The following NSMF variants were observed in gnomAD, a reference collection of about 807,000 sequenced individuals.
NSMF encodes NMDA receptor synaptonuclear signaling and neuronal migration factor.
A neutral mutation model predicts 71.0 loss-of-function variants in NSMF; 31 were observed. The observed-to-expected ratio is 0.44, with a 90% CI of 0.33 to 0.59. The LOEUF (loss-of-function observed/expected upper bound fraction) is 0.59. Ranked by LOEUF, NSMF falls within the 20% of genes least tolerant of loss-of-function variation. The pLI is 0.04. For missense variants in NSMF, 673 were observed against 740.5 expected (o/e 0.91, Z 1.06); for synonymous variants, 345 against 287.1 (o/e 1.20, Z -2.04).
chr9:137,454,472 GGCC>G (rs1830730552), intron 6 of NSMF, 29 bp from the exon 7 acceptor site: 3 of 1,550,026 alleles, frequency 1.9e-6, no homozygotes, highest in Non-Finnish European at 2.6e-6. Context: ...GGCTGAAGAG[GGCC>G]GTGAGAGGGT....
chr9:137,450,005 C>A lies in NSMF; in HGVS notation c.1337G>T (p.Arg446Leu). The A allele has an allele frequency of 6.2e-7, 1 of 1,612,986 alleles. No individual in the cohort carries two copies. The highest frequency in any genetic ancestry group is 8.5e-7 in the Non-Finnish European group (1 of 1,179,864). The change falls in exon 14 of 16, where the codon CGC (arginine) becomes CTC (leucine). Residue 446 changes from arginine to leucine, a missense_variant. Physicochemically the swap from Arg to Leu is moderately radical, Grantham distance 102 (BLOSUM62 -2). Around this residue, in one of 2 missense-constraint regions of NSMF, gnomAD observed 202 missense variants for 280.8 expected, o/e 0.72. Coordinates refer to ENST00000371475, the MANE Select transcript of NSMF (RefSeq NM_001130969.3). Reference sequence around the variant, plus strand: ...CTCTGGGTTCACTTTGCTCATCAGGCGGCTCAGCCGCTTCCAGAAGCTGGT... The same window carrying A: ...CTCTGGGTTCACTTTGCTCATCAGGAGGCTCAGCCGCTTCCAGAAGCTGGT... The part of the protein sequence containing the change: ...DMIHFWKRLS[R>L]LMSKVNPEPN...
rs544848562 is a variant in NSMF, at chr9:137,456,393, C to T, written c.704+18G>A. 24 of 1,602,830 alleles carry T rather than the reference C, an allele frequency of 1.5e-5. No homozygotes were observed. Among genetic ancestry groups the T allele is most frequent in the Non-Finnish European group, 1.7e-5 (20 of 1,170,636 alleles). ...AGACCACCCAACCCTGACCCCAAGT[C>T]GTGGGCACAAGACTCACGCTTGCAT... On this transcript the variant is annotated intron_variant, in intron 4 of 15. Transcript: ENST00000371475.
chr9:137,457,739 G>A lies in NSMF; in HGVS notation c.296C>T (p.Pro99Leu). The change falls in exon 3 of 16, where the codon CCT becomes CTT. Residue 99 changes from proline to leucine, a missense_variant. Physicochemically the swap from Pro to Leu is moderately conservative, Grantham distance 98 (BLOSUM62 -3). Transcript: ENST00000371475. ...IRKPAGEGPQ[P>L]RVYTISGEPA... ...CTCCCCAGAGATGGTGTACACTCGA[G>A]GCTGAGGGCCCTCGCCTGCGGGCTT... The A allele has an allele frequency of 6.4e-7, 1 of 1,557,918 alleles. No homozygotes were observed. Among genetic ancestry groups the A allele is most frequent in the Non-Finnish European group, 8.7e-7 (1 of 1,150,998 alleles).
intron 4 of NSMF, among the ~76,000 whole-genome samples, chr9:137,456,208 G>GC (rs59030620): frequency 8.1e-6 from 1 of 123,676 alleles, no homozygotes; most frequent in African/African-American, 4.2e-5. Context: ...GTGTGTGTGT[G>GC]GGGGGGGGGG....
Position 137,455,723 on chromosome 9 carries a change from C to T in NSMF, c.705-89G>A, listed in dbSNP as rs954501719. On this transcript the variant is annotated intron_variant, in intron 4 of 15. Coordinates refer to ENST00000371475, the MANE Select transcript of NSMF (RefSeq NM_001130969.3). Reference sequence around the variant, plus strand: ...CCCCTCAGCCCCCACCCGGTCCCTACAGTTCCCTTCTTGTCACTGACCCAA... The same window carrying T: ...CCCCTCAGCCCCCACCCGGTCCCTATAGTTCCCTTCTTGTCACTGACCCAA... 2.8e-5 allele frequency: 40 copies of T among 1,420,114 alleles called. 1 individual carries two copies. In the African/African-American group the frequency reaches 5.4e-4, roughly 19 times the overall value. The allele number at this position is 1,420,114 out of a possible 1,614,324, so 88.0% of individuals were successfully genotyped here.
rs997174984 is a variant in NSMF at position 137,448,508 on chromosome 9, C to G, written c.*886G>C. The G allele has an allele frequency of 2.6e-5, 4 of 152,172 alleles. No individual in the cohort carries two copies. The highest frequency in any genetic ancestry group is 7.2e-5 in the African/African-American group (3 of 41,412). The allele number at this position is 152,172 out of a possible 1,614,324, so 9.4% of individuals were successfully genotyped here. Reference sequence around the variant, plus strand: ...CCCACTGTGGTGCCAGCGAGTTTCTCAAAACCCAGGGCCCAGCCCCAGCTG... The same window carrying G: ...CCCACTGTGGTGCCAGCGAGTTTCTGAAAACCCAGGGCCCAGCCCCAGCTG... On this transcript the variant is annotated 3_prime_UTR_variant, in exon 16 of 16. Coordinates refer to ENST00000371475, the MANE Select transcript of NSMF (RefSeq NM_001130969.3). This position sits in a 1 kb window ranked among gnomAD's most constrained non-coding sequence, Gnocchi z 5.3.
At chr9:137,458,964 C>A (rs757939938) in intron 1 of NSMF, 68 bp downstream of exon 1, 4 of 1,177,506 alleles carry the variant, frequency 3.4e-6, no homozygotes, top group East Asian at 3.2e-5. Context: ...CACCGCGGGG[C>A]AGGGGCGGAC....
chr9:137,457,989 T>G, intron 2 of NSMF, 88 bp from the exon 3 acceptor site: 1 of 1,523,078 alleles, frequency 6.6e-7, no homozygotes, highest in Non-Finnish European at 8.8e-7. Context: ...GAACACCCAG[T>G]GGGCACCTGG....
rs1268182641 is a variant in NSMF, at chr9:137,457,445, T to C, written c.590A>G (p.Lys197Arg). The C allele has an allele frequency of 6.2e-7, 1 of 1,612,774 alleles. No homozygotes were observed. The highest frequency in any genetic ancestry group is 8.5e-7 in the Non-Finnish European group (1 of 1,180,000). ...PPLPETSGRR[K>R]KLERMYSVDR... The stretch of plus-strand genomic sequence containing the variant: ...AACGCTGTACATCCTCTCCAGCTTC[T>C]TGCGGCGACCGGAGGTCTCAGGCAG... Residue 197 changes from lysine (K) to arginine (R), a missense_variant, in exon 3 of 16, where the codon AAG becomes AGG. Lys to Arg is a conservative substitution (Grantham distance 26). Coordinates refer to ENST00000371475, the MANE Select transcript of NSMF (RefSeq NM_001130969.3).
rs575202451 is a variant in NSMF, at chr9:137,447,577, T to G, written c.*1817A>C. The G allele has an allele frequency of 6.6e-6, 1 of 151,400 alleles. No homozygotes were observed. The highest frequency in any genetic ancestry group is 2.4e-5 in the African/African-American group (1 of 41,148). 9.4% of individuals were successfully genotyped at this position (151,400 alleles called of 1,614,324 possible). A position where few individuals can be genotyped will look rare whatever the true frequency, so the allele number is the denominator to read the frequency against. On this transcript the variant is annotated 3_prime_UTR_variant, in exon 16 of 16. Coordinates refer to ENST00000371475, the MANE Select transcript of NSMF (RefSeq NM_001130969.3). ...ACACAGAGTCTACAGGCATTTGGTA[T>G]TTACCTAAAACTTTATACACTCAAA...
intron 3 of NSMF, 43 bp downstream of exon 3, chr9:137,457,364 A>G: frequency 6.2e-7 from 1 of 1,612,516 alleles, no homozygotes; most frequent in Non-Finnish European, 8.5e-7. Context: ...TGGCAGCGGC[A>G]TGCACCCCCA....
At chr9:137,458,399 C>A (rs1564269937) in intron 2 of NSMF, 89 bp downstream of exon 2, 1 of 1,180,214 alleles carries the variant, frequency 8.5e-7, no homozygotes, top group Non-Finnish European at 1.2e-6. Context: ...GCAACCAATG[C>A]CCCTCACGCT....
intron 6 of NSMF, chr9:137,454,660 A>G (rs1170660032): frequency 1.3e-6 from 2 of 1,527,126 alleles, no homozygotes; most frequent in Non-Finnish European, 1.8e-6. Flanking sequence ...CTCCAGAACA[A>G]AGGTGCAGTG....
intron 1 of NSMF, 95 bp from the exon 2 acceptor site, chr9:137,458,644 C>T: frequency 8.1e-7 from 1 of 1,235,302 alleles, no homozygotes; most frequent in African/African-American, 1.5e-5. Flanking sequence ...CCAGCCAGGC[C>T]CTCGGCGTCT....
intron 6 of NSMF, 64 bp downstream of exon 6, chr9:137,455,175 G>C: frequency 6.4e-7 from 1 of 1,563,598 alleles, no homozygotes; most frequent in Non-Finnish European, 8.8e-7. Context: ...GGGCCGAGGG[G>C]GCCCAGGCCA....
Position 137,453,240 on chromosome 9 carries a change from G to T in NSMF, c.923-60C>A. The T allele has an allele frequency of 3.7e-6, 6 of 1,605,278 alleles. No homozygotes were observed. Among genetic ancestry groups the T allele is most frequent in the Non-Finnish European group, 5.1e-6 (6 of 1,178,576 alleles). On this transcript the variant is annotated intron_variant, in intron 8 of 15. Transcript: ENST00000371475. The surrounding 1 kb of genome is among the most constrained non-coding windows in gnomAD (Gnocchi z 4.5). ...CGGCAGCACCTCCTATCCTGGCCAT[G>T]GCCCCAAGGCCCACAGGGCCCGAAA...
intron 7 of NSMF, 122 bp downstream of exon 7, chr9:137,454,269 G>A: frequency 1.0e-6 from 1 of 964,934 alleles, no homozygotes; most frequent in Non-Finnish European, 1.6e-6. Context: ...AAGGGGAGGA[G>A]CCTGAGGCAG....
rs1255206165 is a variant in NSMF at position 137,454,452 on chromosome 9, G to A, written c.780-9C>T. On this transcript the variant is annotated splice_polypyrimidine_tract_variant and intron_variant, in intron 6 of 15. Coordinates refer to ENST00000371475, the MANE Select transcript of NSMF (RefSeq NM_001130969.3). ...GGTGTTTGCGGAAGTTCCTGGGGGA[G>A]GAAGCCAGGGGCTGAAGAGGGCCGT... is the stretch of plus-strand genomic sequence containing the variant. 61 of 1,550,102 alleles carry A rather than the reference G, an allele frequency of 3.9e-5. No homozygotes were observed. Among genetic ancestry groups the A allele is most frequent in the Non-Finnish European group, 5.1e-5 (58 of 1,146,866 alleles).
intron 1 of NSMF, 61 bp from the exon 2 acceptor site, chr9:137,458,610 G>C: frequency 6.8e-7 from 1 of 1,481,302 alleles, no homozygotes; most frequent in Non-Finnish European, 9.2e-7. Context: ...ACACCGGGCC[G>C]CGCAAGAGCC....
Sources: gnomAD v4.1 joint callset for allele counts (sites outside exome capture counted in the v4.1 genomes callset) on GRCh38, gnomAD v4.1.1 for gene constraint, gnomAD v4.1.1 regional missense constraint, Gnocchi (gnomAD v3.1) non-coding constraint, MANE v1.5 for transcripts, NCBI Gene and HGNC (gene_info 2026-07-23, HGNC 2026-07-21) for gene names.